The following TGFA variants were observed in gnomAD, a reference collection of about 807,000 sequenced individuals.
The protein encoded by TGFA is transforming growth factor alpha.
TGFA carries 12 observed loss-of-function variants against 21.7 expected under a neutral mutation model. The observed-to-expected ratio is 0.55, with a 90% CI of 0.35 to 0.90. TGFA has a LOEUF of 0.90. TGFA is among the 40% of genes least tolerant of loss of function. The pLI, the probability that TGFA is intolerant of heterozygous loss-of-function variation, is 0.01. For synonymous variants in TGFA, 79 were observed against 88.1 expected (o/e 0.90, Z 0.58); for missense variants, 178 against 210.8 (o/e 0.84, Z 0.96).
intron 2 of TGFA, among the ~76,000 whole-genome samples, chr2:70,496,484 A>T (rs1397983370): frequency 6.6e-6 from 1 of 152,204 alleles, no homozygotes; most frequent in Non-Finnish European, 1.5e-5. Context: ...AGAAAGAGGC[A>T]AAAACTTAAT....
intron 1 of TGFA, among the ~76,000 whole-genome samples, chr2:70,525,596 C>T (rs1370861385): frequency 2.6e-5 from 4 of 152,168 alleles, no homozygotes; most frequent in African/African-American, 9.7e-5. Context: ...AGTTCTCCTC[C>T]TTGGGCCCCA....
intron 2 of TGFA, among the ~76,000 whole-genome samples, chr2:70,511,890 T>TACACAC (rs36084203): frequency 0.024 from 3,494 of 143,004 alleles, 59 homozygotes; most frequent in African/African-American, 0.042. Flanking sequence ...TAGTCATGAA[T>TACACAC]ACACACACAC....
At chr2:70,479,632 C>CT (rs1296534410) in intron 2 of TGFA, among the ~76,000 whole-genome samples, 1 of 151,708 alleles carries the variant, frequency 6.6e-6, no homozygotes, top group Non-Finnish European at 1.5e-5. Context: ...TCACCGGGTC[C>CT]TTTTTTCCTT....
chr2:70,504,433 A>AATAAATATATATATAT (rs1671838347), intron 2 of TGFA, among the ~76,000 whole-genome samples: 1 of 62,444 alleles, frequency 1.6e-5, no homozygotes, highest in Non-Finnish European at 3.2e-5. Flanking sequence ...AAACAAAACA[A>AATAAATATATATATAT]ATATATATAT....
intron 1 of TGFA, among the ~76,000 whole-genome samples, chr2:70,548,654 C>G (rs1673391009): frequency 6.6e-6 from 1 of 152,228 alleles, no homozygotes; most frequent in Non-Finnish European, 1.5e-5. Context: ...AACAAATTTG[C>G]TTCCTCTGAC....
Position 70,528,650 on chromosome 2 carries a change from T to C in TGFA, c.41-13738A>G, listed in dbSNP as rs1405175829. ...GTTTTAGTGCAACTGGCCTTGCTTG[T>C]GTGGTTTCCCACAAAAAAGATGATG... On this transcript the variant is annotated intron_variant, in intron 1 of 5. Coordinates refer to ENST00000295400, the MANE Select transcript of TGFA (RefSeq NM_003236.4). 2.0e-5 allele frequency among the ~76,000 whole-genome samples: 3 copies of C among 152,194 alleles called. No homozygotes were observed. The East Asian group carries it at 5.8e-4, about 29-fold the overall frequency.
intron 5 of TGFA, among the ~76,000 whole-genome samples, chr2:70,451,387 C>A (rs1462505982): frequency 6.6e-6 from 1 of 152,232 alleles, no homozygotes; most frequent in Non-Finnish European, 1.5e-5. Context: ...TCTCTAGGTC[C>A]TTGCCATGGT....
intron 2 of TGFA, among the ~76,000 whole-genome samples, chr2:70,484,711 T>C (rs1401757071): frequency 1.3e-5 from 2 of 152,232 alleles, no homozygotes; most frequent in Non-Finnish European, 2.9e-5. Context: ...GCAGAGTTTC[T>C]GTTCTGAGAT....
intron 1 of TGFA, among the ~76,000 whole-genome samples, chr2:70,523,586 A>C (rs1209897991): frequency 6.6e-6 from 1 of 152,190 alleles, no homozygotes; most frequent in South Asian, 2.1e-4. Context: ...TCAATCCCCA[A>C]GTCCTCCACG....
At chr2:70,467,603 C>T (rs939697133) in intron 2 of TGFA, 1 of 152,186 alleles carries the variant, frequency 6.6e-6, no homozygotes, top group East Asian at 1.9e-4. Context: ...TTCAACAGGT[C>T]CTCTTATGCT....
At chr2:70,485,017 G>T (rs62151572) in intron 2 of TGFA, among the ~76,000 whole-genome samples, 1 of 152,096 alleles carries the variant, frequency 6.6e-6, no homozygotes. Context: ...CCATTGATTC[G>T]CTTCAGTTTT....
At chr2:70,536,803 C>A (rs182766038) in intron 1 of TGFA, among the ~76,000 whole-genome samples, 3 of 152,190 alleles carry the variant, frequency 2.0e-5, no homozygotes, top group African/African-American at 7.2e-5. Context: ...AAGAGAAGAG[C>A]CAATTAAGTG....
intron 1 of TGFA, among the ~76,000 whole-genome samples, chr2:70,524,573 G>C (rs559349275): frequency 1.4e-4 from 21 of 152,354 alleles, no homozygotes; most frequent in Admixed American, 3.9e-4. Flanking sequence ...GCCGAGTTCT[G>C]AGGTTGCAGA....
At chr2:70,470,252 A>C (rs569098133) in intron 2 of TGFA, among the ~76,000 whole-genome samples, 1 of 152,136 alleles carries the variant, frequency 6.6e-6, no homozygotes, top group Admixed American at 6.5e-5. Context: ...GACAAAGGAA[A>C]GTAAGGGTAA....
chr2:70,553,250 G>T, intron 1 of TGFA: 5 of 1,536,168 alleles, frequency 3.3e-6, no homozygotes, highest in Non-Finnish European at 4.4e-6. Context: ...ATCTCTGCTC[G>T]TCGCTGGGGC....
chr2:70,450,998 T>C (rs1670036692), intron 5 of TGFA, 132 bp from the exon 6 acceptor site: 1 of 1,073,922 alleles, frequency 9.3e-7, no homozygotes, highest in East Asian at 2.6e-5. Context: ...TAGGCCCGAG[T>C]CCAAATTCTG....
At chr2:70,542,312 G>A (rs1553505276) in intron 1 of TGFA, among the ~76,000 whole-genome samples, 1 of 152,062 alleles carries the variant, frequency 6.6e-6, no homozygotes, top group African/African-American at 2.4e-5. Context: ...ATGCCTCTTG[G>A]AAGTACAGTA....
intron 1 of TGFA, among the ~76,000 whole-genome samples, chr2:70,543,914 G>T (rs1339902593): frequency 6.6e-6 from 1 of 152,110 alleles, no homozygotes; most frequent in African/African-American, 2.4e-5. Context: ...AGCAGATCTA[G>T]CAGTTTATAC....
intron 1 of TGFA, among the ~76,000 whole-genome samples, chr2:70,538,317 T>C (rs182563510): frequency 1.3e-5 from 2 of 152,338 alleles, no homozygotes; most frequent in East Asian, 1.9e-4. Flanking sequence ...CCCATGCTCA[T>C]TAAAGAGCAA....
Sources: gnomAD v4.1 joint callset for allele counts (sites outside exome capture counted in the v4.1 genomes callset) on GRCh38, gnomAD v4.1.1 for gene constraint, MANE v1.5 for transcripts, NCBI Gene and HGNC (gene_info 2026-07-23, HGNC 2026-07-21) for gene names.